AUTS2: variants seen among roughly 807,000 people sequenced by gnomAD.
AUTS2 encodes activator of transcription and developmental regulator AUTS2, also known as autism susceptibility gene 2 protein.
AUTS2 carries 17 observed loss-of-function variants against 112.4 expected under a neutral mutation model. The ratio of observed to expected loss-of-function variants is 0.15; its 90% CI spans 0.10 to 0.23. The LOEUF (loss-of-function observed/expected upper bound fraction) is 0.23. Among genes scored for constraint, AUTS2 ranks in the 10% least tolerant of loss-of-function variants. The probability of loss-of-function intolerance (pLI) is 1.00; values close to 1 mark genes in which losing one functional copy is unlikely to be tolerated. For synonymous variants in AUTS2, 751 were observed against 702.7 expected (o/e 1.07, Z -1.09); for missense variants, 1,510 against 1,701.6 (o/e 0.89, Z 1.98).
chr7:70,606,623 G>A (rs550051666), intron 5 of AUTS2, among the ~76,000 whole-genome samples: 1 of 152,234 alleles, frequency 6.6e-6, no homozygotes, highest in South Asian at 2.1e-4. Flanking sequence ...CACTTTGGGA[G>A]GCTGAGGCAG....
At chr7:70,265,602 A>G (rs946853644) in intron 4 of AUTS2, among the ~76,000 whole-genome samples, 2 of 152,146 alleles carry the variant, frequency 1.3e-5, no homozygotes, top group African/African-American at 4.8e-5. Context: ...TTTGCAATCT[A>G]TAGTAGGACT....
intron 4 of AUTS2, among the ~76,000 whole-genome samples, chr7:70,276,774 T>C (rs535133291): frequency 1.3e-5 from 2 of 152,274 alleles, no homozygotes; most frequent in Admixed American, 1.3e-4. Flanking sequence ...TCTTATTCTA[T>C]GGATTGACTA....
At position 69,599,335 on chromosome 7, in the gene AUTS2, G is replaced by A. The variant is rs1792237339; in HGVS notation, c.-319G>A. The A allele has an allele frequency of 3.5e-6, 1 of 287,566 alleles. No individual in the cohort carries two copies. Among genetic ancestry groups the A allele is most frequent in the African/African-American group, 2.2e-5 (1 of 45,368 alleles). 17.8% of individuals were successfully genotyped at this position (287,566 alleles called of 1,614,324 possible). On this transcript the variant is annotated 5_prime_UTR_variant, in exon 1 of 19. It adds an upstream start codon to the 5' untranslated region. Transcript: ENST00000342771. This position sits in a 1 kb window ranked among gnomAD's most constrained non-coding sequence, Gnocchi z 7.0. Reference sequence around the variant, plus strand: ...TTTTTTTTTCCTCTAAAGGAGACCTGTGTGTTCAGCCATTACTTTGCTCGG... The same window carrying A: ...TTTTTTTTTCCTCTAAAGGAGACCTATGTGTTCAGCCATTACTTTGCTCGG...
chr7:70,583,905 A>G (rs564159059), intron 5 of AUTS2, among the ~76,000 whole-genome samples: 3 of 152,380 alleles, frequency 2.0e-5, no homozygotes, highest in East Asian at 3.9e-4. Context: ...GCTGCAGGAT[A>G]TCAGAAACAA....
chr7:70,713,870 T>C lies in AUTS2; in HGVS notation c.742+15250T>C, dbSNP rs1810201692. Reference sequence around the variant, plus strand: ...GAGATCGCGCCATTGCACTCCAGCCTGGGCGACAGAACAAGACTCCGTCTC... The same window carrying C: ...GAGATCGCGCCATTGCACTCCAGCCCGGGCGACAGAACAAGACTCCGTCTC... On this transcript the variant is annotated intron_variant, in intron 6 of 18. Transcript: ENST00000342771. Among the ~76,000 whole-genome samples, 3 of 148,674 alleles carry C rather than the reference T, an allele frequency of 2.0e-5. No homozygotes were observed. In the East Asian group the frequency reaches 6.0e-4, roughly 30 times the overall value.
chr7:70,410,410 A>T (rs895916127), intron 4 of AUTS2, among the ~76,000 whole-genome samples: 3 of 127,394 alleles, frequency 2.4e-5, no homozygotes, highest in Non-Finnish European at 5.0e-5. Context: ...TTATTTATTT[A>T]TTTATTTATT....
chr7:69,943,607 T>C (rs940297380), intron 2 of AUTS2, among the ~76,000 whole-genome samples: 2 of 152,204 alleles, frequency 1.3e-5, no homozygotes, highest in African/African-American at 4.8e-5. Context: ...CAGGGAGATA[T>C]TTTCAGTGAA....
chr7:70,675,852 C>T (rs186805678), intron 5 of AUTS2, among the ~76,000 whole-genome samples: 1 of 152,096 alleles, frequency 6.6e-6, no homozygotes, highest in Non-Finnish European at 1.5e-5. Flanking sequence ...GCAGAAGCAG[C>T]GAGACTTCTG....
At position 70,691,179 on chromosome 7, in the gene AUTS2, T is replaced by C. The variant is rs148365505; in HGVS notation, c.691-7390T>C. On this transcript the variant is annotated intron_variant, in intron 5 of 18. Transcript: ENST00000342771. ...TATTAAAAATTATTTCTGAAATCAT[T>C]AATCTAACACCAGAGTGGAAATTGA... is the stretch of plus-strand genomic sequence containing the variant. 1.6e-3 allele frequency among the ~76,000 whole-genome samples: 247 copies of C among 152,326 alleles called. 1 individual carries two copies. The highest frequency in any genetic ancestry group is 5.5e-3 in the African/African-American group (229 of 41,566).
chr7:69,661,891 T>C (rs1367526409), intron 1 of AUTS2, among the ~76,000 whole-genome samples: 1 of 152,220 alleles, frequency 6.6e-6, no homozygotes, highest in African/African-American at 2.4e-5. Context: ...TGTGACAGTG[T>C]TATTTTAACT....
intron 4 of AUTS2, among the ~76,000 whole-genome samples, chr7:70,344,183 A>G (rs550142466): frequency 6.6e-6 from 1 of 152,166 alleles, no homozygotes; most frequent in Non-Finnish European, 1.5e-5. Flanking sequence ...TGTGCAGTGA[A>G]TGGGCTTGAA....
At chr7:69,816,590 A>G (rs549193048) in intron 1 of AUTS2, among the ~76,000 whole-genome samples, 2 of 152,260 alleles carry the variant, frequency 1.3e-5, no homozygotes, top group Non-Finnish European at 2.9e-5. Context: ...AATATCTTGG[A>G]TCCTTACAAA....
intron 6 of AUTS2, among the ~76,000 whole-genome samples, chr7:70,719,758 G>A (rs1049252221): frequency 2.4e-4 from 37 of 152,114 alleles, no homozygotes; most frequent in African/African-American, 8.0e-4. Context: ...CACCGCACCC[G>A]GCCAAGACAC....
At position 70,499,958 on chromosome 7, in the gene AUTS2, A is replaced by C. The variant is rs182124441; in HGVS notation, c.690+64177A>C. 1.4e-4 allele frequency among the ~76,000 whole-genome samples: 22 copies of C among 152,204 alleles called. No individual in the cohort carries two copies. In the East Asian group the frequency reaches 4.3e-3, roughly 29 times the overall value. The stretch of plus-strand genomic sequence containing the variant: ...TGCTGGGTTTCTTGCTCCTTTCTGA[A>C]CCATCCTTGCCTGATCCTGACTTTT... On this transcript the variant is annotated intron_variant, in intron 5 of 18. Transcript: ENST00000342771.
chr7:70,100,097 A>T (rs753072624), intron 2 of AUTS2, among the ~76,000 whole-genome samples: 3 of 152,212 alleles, frequency 2.0e-5, no homozygotes, highest in Non-Finnish European at 4.4e-5. Flanking sequence ...TTGTTTCAGT[A>T]AGTAACTCTT....
chr7:69,619,749 C>A (rs1358378601), intron 1 of AUTS2, among the ~76,000 whole-genome samples: 1 of 152,140 alleles, frequency 6.6e-6, no homozygotes, highest in Admixed American at 6.5e-5. Context: ...CTGTTCTAGG[C>A]ACTTGGGATA....
intron 2 of AUTS2, among the ~76,000 whole-genome samples, chr7:70,012,858 A>G (rs1316661824): frequency 6.6e-6 from 1 of 152,240 alleles, no homozygotes; most frequent in African/African-American, 2.4e-5. Context: ...TCAGTGAAAA[A>G]GATAAATGAT....
At chr7:70,134,110 A>T (rs969545073) in intron 3 of AUTS2, among the ~76,000 whole-genome samples, 3 of 152,134 alleles carry the variant, frequency 2.0e-5, no homozygotes, top group Non-Finnish European at 4.4e-5. Flanking sequence ...TTTCAAGTCA[A>T]TCTGGGCTTT....
At chr7:70,410,126 A>G (rs546695383) in intron 4 of AUTS2, among the ~76,000 whole-genome samples, 75 of 152,150 alleles carry the variant, frequency 4.9e-4, no homozygotes, top group Non-Finnish European at 9.3e-4. Context: ...TTTTGTGCAT[A>G]TTTTAATTAT....
Sources: allele counts gnomAD v4.1 joint callset (sites outside exome capture counted in the v4.1 genomes callset), GRCh38; gene constraint gnomAD v4.1.1; non-coding constraint Gnocchi (gnomAD v3.1); transcripts MANE v1.5; gene names NCBI Gene and HGNC (gene_info 2026-07-23, HGNC 2026-07-21).